Variants in HIBADH observed in about 807,000 individuals in gnomAD.
The protein encoded by HIBADH is 3-hydroxyisobutyrate dehydrogenase, mitochondrial.
HIBADH carries 25 observed loss-of-function variants against 36.1 expected under a neutral mutation model. The ratio of observed to expected loss-of-function variants is 0.69; its 90% CI spans 0.50 to 0.97. The LOEUF (loss-of-function observed/expected upper bound fraction) is 0.97, where lower values mean the gene tolerates loss of function less well. HIBADH is among the 50% of genes least tolerant of loss of function. HIBADH has a pLI of 0.00. For missense variants in HIBADH, 421 were observed against 418.0 expected, an observed-to-expected ratio of 1.01 and a Z score of -0.06; for synonymous variants, 160 against 149.5, an observed-to-expected ratio of 1.07 and a Z score of -0.51.
At chr7:27,650,329 C>T (rs1422203082) in intron 1 of HIBADH, among the ~76,000 whole-genome samples, 1 of 151,208 alleles carries the variant, frequency 6.6e-6, no homozygotes, top group African/African-American at 2.4e-5. Flanking sequence ...ATGGAATCAC[C>T]AGTTTATAAA....
intron 6 of HIBADH, among the ~76,000 whole-genome samples, chr7:27,533,809 C>T (rs773214893): frequency 2.0e-5 from 3 of 152,140 alleles, no homozygotes; most frequent in Non-Finnish European, 4.4e-5. Flanking sequence ...CTACTGGGCT[C>T]TCAACCATGA....
chr7:27,577,048 T>C (rs1784720634), intron 4 of HIBADH, among the ~76,000 whole-genome samples: 1 of 151,886 alleles, frequency 6.6e-6, no homozygotes, highest in Non-Finnish European at 1.5e-5. Flanking sequence ...TTAACAACTG[T>C]AAAAAACAAA....
At chr7:27,604,549 T>TAAAGAAA in intron 4 of HIBADH, among the ~76,000 whole-genome samples, 1 of 152,130 alleles carries the variant, frequency 6.6e-6, no homozygotes, top group Non-Finnish European at 1.5e-5. Flanking sequence ...AGGCATAATC[T>TAAAGAAA]ATAAAGAGAA....
intron 4 of HIBADH, among the ~76,000 whole-genome samples, chr7:27,570,689 T>C (rs1481498663): frequency 1.3e-5 from 2 of 151,002 alleles, no homozygotes; most frequent in Non-Finnish European, 2.9e-5. Context: ...ATATAAATTA[T>C]ACCTCAATAA....
intron 4 of HIBADH, among the ~76,000 whole-genome samples, chr7:27,596,561 C>T (rs1018261603): frequency 6.6e-6 from 1 of 152,144 alleles, no homozygotes; most frequent in African/African-American, 2.4e-5. Flanking sequence ...GATAAATTTG[C>T]ATTTACATGA....
At chr7:27,562,159 T>G (rs1414034052) in intron 4 of HIBADH, among the ~76,000 whole-genome samples, 1 of 152,120 alleles carries the variant, frequency 6.6e-6, no homozygotes, top group Non-Finnish European at 1.5e-5. Flanking sequence ...CCTTTCTTGT[T>G]TTTTAAATTG....
chr7:27,572,502 T>C (rs1341944219), intron 4 of HIBADH, among the ~76,000 whole-genome samples: 1 of 152,208 alleles, frequency 6.6e-6, no homozygotes. Context: ...ATCTTTACCA[T>C]TAGCACCTTC....
chr7:27,626,251 C>T (rs1785644053), intron 4 of HIBADH, among the ~76,000 whole-genome samples: 2 of 151,748 alleles, frequency 1.3e-5, no homozygotes, highest in South Asian at 2.1e-4. Context: ...CTATTATATA[C>T]CCACAAAAAT....
At chr7:27,596,885 T>C (rs1398762676) in intron 4 of HIBADH, among the ~76,000 whole-genome samples, 1 of 152,182 alleles carries the variant, frequency 6.6e-6, no homozygotes, top group African/African-American at 2.4e-5. Context: ...AAATTTCAGA[T>C]TTCATATGCT....
Position 27,539,998 on chromosome 7 carries a change from C to T in HIBADH, c.619-1581G>A, listed in dbSNP as rs550583037. ...AGGAGGAAGAGGAGGGGTTGCTCTTCGCTGTCTCGGGGTGACAGAGGCAGA... is the reference window on the plus strand; with the variant it reads ...AGGAGGAAGAGGAGGGGTTGCTCTTTGCTGTCTCGGGGTGACAGAGGCAGA... On this transcript the variant is annotated intron_variant, in intron 5 of 7. Coordinates refer to ENST00000265395, the MANE Select transcript of HIBADH (RefSeq NM_152740.4). Among the ~76,000 whole-genome samples the T allele has an allele frequency of 5.3e-5, 8 of 151,872 alleles. No individual in the cohort carries two copies. The South Asian group carries it at 1.0e-3, about 20-fold the overall frequency.
At chr7:27,551,515 G>T (rs527906501) in intron 4 of HIBADH, among the ~76,000 whole-genome samples, 2 of 152,282 alleles carry the variant, frequency 1.3e-5, no homozygotes, top group South Asian at 4.1e-4. Flanking sequence ...CTAACAGTAG[G>T]AAAGAGCTGA....
chr7:27,601,576 G>A (rs1389893653), intron 4 of HIBADH, among the ~76,000 whole-genome samples: 2 of 152,046 alleles, frequency 1.3e-5, no homozygotes, highest in Non-Finnish European at 2.9e-5. Context: ...AGTTATAAAA[G>A]TGCATTTAAC....
At chr7:27,633,303 C>G (rs761104976) in intron 2 of HIBADH, among the ~76,000 whole-genome samples, 5 of 152,174 alleles carry the variant, frequency 3.3e-5, no homozygotes, top group Non-Finnish European at 5.9e-5. Flanking sequence ...GGCCAGCCAA[C>G]TGGCAACCAA....
In HIBADH at chr7:27,594,355, C is replaced by G. The variant is rs1022990377; in HGVS notation, c.484+35016G>C. Among the ~76,000 whole-genome samples, 23 of 152,082 alleles carry G rather than the reference C, an allele frequency of 1.5e-4. No homozygotes were observed. The South Asian group carries it at 3.1e-3, about 21-fold the overall frequency. On this transcript the variant is annotated intron_variant, in intron 4 of 7. Transcript: ENST00000265395. ...ACGAGGTTTCACCACATTGGTCAGG[C>G]TGGTCTCGAACTTCTGACCTCAGGT...
At chr7:27,601,989 A>G (rs1047146226) in intron 4 of HIBADH, among the ~76,000 whole-genome samples, 1 of 152,090 alleles carries the variant, frequency 6.6e-6, no homozygotes, top group Non-Finnish European at 1.5e-5. Flanking sequence ...TTTTTAAATG[A>G]AACAAACCAA....
At chr7:27,591,177 G>A (rs1417250490) in intron 4 of HIBADH, among the ~76,000 whole-genome samples, 2 of 152,092 alleles carry the variant, frequency 1.3e-5, no homozygotes, top group African/African-American at 4.8e-5. Context: ...AATACTCTAC[G>A]AATCTCAGAG....
rs73285198 is a variant in HIBADH, at chr7:27,614,406, A to G, written c.484+14965T>C. 4.8e-3 allele frequency among the ~76,000 whole-genome samples: 731 copies of G among 152,376 alleles called. 6 individuals are homozygous for G. Among genetic ancestry groups the G allele is most frequent in the African/African-American group, 0.017 (704 of 41,586 alleles). On this transcript the variant is annotated intron_variant, in intron 4 of 7. Transcript: ENST00000265395. The stretch of plus-strand genomic sequence containing the variant: ...GATAACCTGGAGGACAGCTTCAGAA[A>G]GATGAATAACCGCAAGAAGGCTCAA...
intron 6 of HIBADH, among the ~76,000 whole-genome samples, chr7:27,537,112 G>A (rs6964190): frequency 0.65 from 98,860 of 151,946 alleles, 33,109 homozygotes; most frequent in East Asian, 0.94. Flanking sequence ...CCTAAAACTG[G>A]CCACAATACA....
chr7:27,659,085 A>G (rs1290271719), intron 1 of HIBADH, among the ~76,000 whole-genome samples: 1 of 152,252 alleles, frequency 6.6e-6, no homozygotes, highest in African/African-American at 2.4e-5. Context: ...CTTTGAAAGT[A>G]AATTTCACAT....
Sources: allele counts gnomAD v4.1 joint callset (sites outside exome capture counted in the v4.1 genomes callset), GRCh38; gene constraint gnomAD v4.1.1; transcripts MANE v1.5; gene names NCBI Gene and HGNC (gene_info 2026-07-23, HGNC 2026-07-21).